The following EPHA7 variants were observed in gnomAD, a reference collection of about 807,000 sequenced individuals.
EPHA7 encodes ephrin type-A receptor 7.
In EPHA7, 25 loss-of-function variants were observed where a neutral mutation model predicts 112.6. The ratio of observed to expected loss-of-function variants is 0.22; its 90% confidence interval spans 0.16 to 0.31. The LOEUF (loss-of-function observed/expected upper bound fraction) is 0.31, where lower values mean the gene tolerates loss of function less well. EPHA7 is among the 10% of genes least tolerant of loss of function. The pLI is 1.00. For missense variants in EPHA7, 962 were observed against 1,212.6 expected (o/e 0.79, Z 3.07); for synonymous variants, 437 against 406.5 (o/e 1.07, Z -0.90).
At chr6:93,334,576 A>G in intron 5 of EPHA7, among the ~76,000 whole-genome samples, 1 of 152,086 alleles carries the variant, frequency 6.6e-6, no homozygotes, top group East Asian at 1.9e-4. Context: ...CAGCATATAT[A>G]ATACCTACAA....
chr6:93,322,052 A>T (rs905251580), intron 5 of EPHA7, among the ~76,000 whole-genome samples: 1 of 151,764 alleles, frequency 6.6e-6, no homozygotes. Flanking sequence ...ATGAATAATG[A>T]ATGTAAAAAA....
At chr6:93,243,926 T>A (rs2127844408) in intron 16 of EPHA7, among the ~76,000 whole-genome samples, 1 of 152,238 alleles carries the variant, frequency 6.6e-6, no homozygotes, top group African/African-American at 2.4e-5. Context: ...TGATAAAGGA[T>A]AATGAAAACA....
chr6:93,331,273 CATAT>C (rs958848947), intron 5 of EPHA7, among the ~76,000 whole-genome samples: 26 of 151,492 alleles, frequency 1.7e-4, no homozygotes, highest in African/African-American at 6.3e-4. Context: ...TTATATTCCA[CATAT>C]ATAGTCACAC....
chr6:93,372,036 C>A (rs1220237116), intron 3 of EPHA7, among the ~76,000 whole-genome samples: 3 of 151,978 alleles, frequency 2.0e-5, no homozygotes, highest in Admixed American at 6.6e-5. Flanking sequence ...AGTTAAATTA[C>A]CCTTTTGGGT....
intron 3 of EPHA7, among the ~76,000 whole-genome samples, chr6:93,387,631 C>T (rs1192251138): frequency 6.6e-6 from 1 of 152,074 alleles, no homozygotes; most frequent in Admixed American, 6.6e-5. Flanking sequence ...TTAATTCACT[C>T]ACAATTACGC....
intron 5 of EPHA7, among the ~76,000 whole-genome samples, chr6:93,347,834 G>C (rs1307131723): frequency 6.6e-6 from 1 of 151,616 alleles, no homozygotes; most frequent in Non-Finnish European, 1.5e-5. Context: ...ATTTTGAGGG[G>C]ACACAATTCC....
At chr6:93,348,317 A>C (rs1775506717) in intron 5 of EPHA7, among the ~76,000 whole-genome samples, 1 of 151,876 alleles carries the variant, frequency 6.6e-6, no homozygotes, top group Non-Finnish European at 1.5e-5. Context: ...AAATACAAAA[A>C]TATTAAAACC....
chr6:93,352,352 A>G (rs779814260), intron 5 of EPHA7, among the ~76,000 whole-genome samples: 6 of 152,120 alleles, frequency 3.9e-5, no homozygotes, highest in Admixed American at 2.6e-4. Flanking sequence ...TAGTCTCAGG[A>G]AGGAAGGTAG....
intron 5 of EPHA7, among the ~76,000 whole-genome samples, chr6:93,284,846 G>C (rs1299113339): frequency 2.6e-5 from 4 of 151,836 alleles, no homozygotes; most frequent in South Asian, 2.1e-4. Flanking sequence ...GGGCCTGTTG[G>C]GGGGTGGGGG....
intron 16 of EPHA7, among the ~76,000 whole-genome samples, chr6:93,245,055 C>A (rs1435666119): frequency 6.6e-6 from 1 of 152,062 alleles, no homozygotes; most frequent in Non-Finnish European, 1.5e-5. Context: ...GCCTTGTTGG[C>A]AACAACATAG....
chr6:93,287,884 T>C lies in EPHA7; in HGVS notation c.1325-15462A>G, dbSNP rs917400405. On this transcript the variant is annotated intron_variant, in intron 5 of 16. Transcript: ENST00000369303. ...TACAGATTAAACCTACAGTAAGATA[T>C]CACTTGACACCCAACTAGAATGACT... is the stretch of plus-strand genomic sequence containing the variant. Among the ~76,000 whole-genome samples, 4 of 152,248 alleles carry C rather than the reference T, an allele frequency of 2.6e-5. No homozygotes were observed. The South Asian group carries it at 8.3e-4, about 32-fold the overall frequency.
rs752073769 is a variant in EPHA7, at chr6:93,410,490, A to C, written c.832+11T>G. ...AGGCAAAGTGGAGTTTTAATAGGAC[A>C]CATTACTTACGTTCACAAGTGTCTC... is the stretch of plus-strand genomic sequence containing the variant. On this transcript the variant is annotated intron_variant, in intron 3 of 16. Coordinates refer to ENST00000369303, the MANE Select transcript of EPHA7 (RefSeq NM_004440.4). This position sits in a 1 kb window ranked among gnomAD's most constrained non-coding sequence, Gnocchi z 4.0. 4.4e-6 allele frequency: 7 copies of C among 1,601,518 alleles called. No individual in the cohort carries two copies. Among genetic ancestry groups the C allele is most frequent in the Non-Finnish European group, 6.0e-6 (7 of 1,173,414 alleles).
At chr6:93,285,108 C>A (rs1378528138) in intron 5 of EPHA7, among the ~76,000 whole-genome samples, 1 of 152,136 alleles carries the variant, frequency 6.6e-6, no homozygotes, top group African/African-American at 2.4e-5. Context: ...AATAAGTTCT[C>A]AATATTAGTC....
In EPHA7 at chr6:93,357,022, A is replaced by C; in HGVS notation, c.1019T>G (p.Phe340Cys). ...RPPSAPQNLI[F>C]NINQTTVSLE... Reference sequence around the variant, plus strand: ...ACTTACTGTGGTTTGGTTGATGTTGAAAATGAGGTTCTGTGGTGCAGATGG... The same window carrying C: ...ACTTACTGTGGTTTGGTTGATGTTGCAAATGAGGTTCTGTGGTGCAGATGG... Residue 340 changes from phenylalanine to cysteine, a missense_variant, in exon 5 of 17, where the codon TTC becomes TGC. Phe to Cys is a radical substitution (Grantham distance 205). This residue lies in a region of EPHA7 where 746 missense variants were observed against 889.2 expected (regional missense o/e 0.84). Transcript: ENST00000369303. The C allele has an allele frequency of 6.2e-7, 1 of 1,613,536 alleles. No homozygotes were observed.
chr6:93,243,172 G>GGAT lies in EPHA7; in HGVS notation c.*251_*253dup. ...GGAGGTTAGAGAGCTCAAGGTGTTT[G>GGAT]GATGTTTTTCAGGTAGTACTTTGTT... On this transcript the variant is annotated 3_prime_UTR_variant, in exon 17 of 17. Transcript: ENST00000369303. 1 of 340,150 alleles carries GGAT rather than the reference G, an allele frequency of 2.9e-6. No homozygotes were observed. The highest frequency in any genetic ancestry group is 1.2e-4 in the South Asian group (1 of 8,120). The allele number at this position is 340,150 out of a possible 1,614,324, so 21.1% of individuals were successfully genotyped here. A position where few individuals can be genotyped will look rare whatever the true frequency, so the allele number is the denominator to read the frequency against.
intron 9 of EPHA7, chr6:93,260,378 C>T (rs1770631900): frequency 3.1e-6 from 1 of 321,610 alleles, no homozygotes; most frequent in African/African-American, 2.3e-5. Context: ...AAATAAAATT[C>T]AATTACAATA....
chr6:93,411,982 T>C (rs1179550656), intron 2 of EPHA7, among the ~76,000 whole-genome samples: 1 of 152,058 alleles, frequency 6.6e-6, no homozygotes, highest in Non-Finnish European at 1.5e-5. Flanking sequence ...CTATATTAAA[T>C]ATTTTCTCAA....
intron 5 of EPHA7, among the ~76,000 whole-genome samples, chr6:93,333,376 A>G (rs1342538982): frequency 4.0e-5 from 6 of 151,818 alleles, no homozygotes; most frequent in African/African-American, 1.2e-4. Flanking sequence ...ATGGCAGAAT[A>G]ATTTATATTC....
chr6:93,377,308 T>C lies in EPHA7; in HGVS notation c.833-18897A>G, dbSNP rs1005640218. ...AATTCTGTTTTAATACAAACAGGTA[T>C]CAGTTTTACTTCTAGGCTCCAGGTA... On this transcript the variant is annotated intron_variant, in intron 3 of 16. Coordinates refer to ENST00000369303, the MANE Select transcript of EPHA7 (RefSeq NM_004440.4). Among the ~76,000 whole-genome samples the C allele has an allele frequency of 2.0e-5, 3 of 152,160 alleles. No individual in the cohort carries two copies. The East Asian group carries it at 5.8e-4, about 29-fold the overall frequency.
Sources: allele counts gnomAD v4.1 joint callset (sites outside exome capture counted in the v4.1 genomes callset), GRCh38; gene constraint gnomAD v4.1.1; regional missense constraint gnomAD v4.1.1; non-coding constraint Gnocchi (gnomAD v3.1); transcripts MANE v1.5; gene names NCBI Gene and HGNC (gene_info 2026-07-23, HGNC 2026-07-21).